STK3: variants seen among roughly 807,000 people sequenced by gnomAD.
STK3 encodes the protein serine/threonine-protein kinase 3.
A neutral mutation model predicts 58.0 loss-of-function variants in STK3; 41 were observed. That is an observed-to-expected ratio of 0.71 (90% CI 0.55 to 0.92). The LOEUF (loss-of-function observed/expected upper bound fraction) is 0.92. Ranked by LOEUF, STK3 falls within the 40% of genes least tolerant of loss-of-function variation. The probability of loss-of-function intolerance (pLI) is 0.00; values close to 1 mark genes in which losing one functional copy is unlikely to be tolerated. For synonymous variants in STK3, 170 were observed against 191.0 expected, an observed-to-expected ratio of 0.89 and a Z score of 0.91; for missense variants, 479 against 602.7, an observed-to-expected ratio of 0.79 and a Z score of 2.15.
At chr8:98,464,540 T>TAAAA in intron 10 of STK3, among the ~76,000 whole-genome samples, 889 of 68,850 alleles carry the variant, frequency 0.013, no homozygotes, top group Middle Eastern at 0.043. Context: ...TACTTAAAGT[T>TAAAA]AAAAAAAAAA....
intron 1 of STK3, among the ~76,000 whole-genome samples, chr8:98,904,152 A>G (rs1057009895): frequency 2.6e-5 from 4 of 152,224 alleles, no homozygotes; most frequent in African/African-American, 9.6e-5. Flanking sequence ...GGTCCTAGCA[A>G]TTTCAGAAGA....
chr8:98,776,364 T>C (rs189811215), intron 1 of STK3, among the ~76,000 whole-genome samples: 185 of 151,948 alleles, frequency 1.2e-3, no homozygotes, highest in Non-Finnish European at 2.1e-3. Context: ...GACTGGATGA[T>C]GGCTACAAGA....
At chr8:98,562,363 A>C (rs995654134) in intron 8 of STK3, among the ~76,000 whole-genome samples, 2 of 152,154 alleles carry the variant, frequency 1.3e-5, no homozygotes, top group African/African-American at 2.4e-5. Flanking sequence ...CCACAAAAAA[A>C]ACCATGGATG....
At chr8:98,448,588 G>A (rs1211031091) in intron 1 of STK3, among the ~76,000 whole-genome samples, 1 of 152,090 alleles carries the variant, frequency 6.6e-6, no homozygotes, top group African/African-American at 2.4e-5. Context: ...TTTAGTATCA[G>A]GTTTTATTTA....
At chr8:98,648,651 G>C (rs1341382467) in intron 6 of STK3, among the ~76,000 whole-genome samples, 1 of 152,062 alleles carries the variant, frequency 6.6e-6, no homozygotes, top group South Asian at 2.1e-4. Flanking sequence ...CCTGTACTTC[G>C]GGAAGCCAAG....
chr8:98,901,522 C>G (rs1361844807), intron 1 of STK3, among the ~76,000 whole-genome samples: 2 of 152,226 alleles, frequency 1.3e-5, no homozygotes, highest in East Asian at 3.9e-4. Context: ...GACTGCACAC[C>G]ACACCTGCCT....
intron 1 of STK3, among the ~76,000 whole-genome samples, chr8:98,446,616 T>C (rs1051787425): frequency 6.6e-6 from 1 of 152,206 alleles, no homozygotes; most frequent in Non-Finnish European, 1.5e-5. Context: ...TAACAGATGC[T>C]GGTGAGGTTG....
At chr8:98,622,388 T>C (rs1818401186) in intron 6 of STK3, among the ~76,000 whole-genome samples, 1 of 152,180 alleles carries the variant, frequency 6.6e-6, no homozygotes, top group African/African-American at 2.4e-5. Context: ...TAAGGATGTA[T>C]ATTACATTGC....
intron 1 of STK3, among the ~76,000 whole-genome samples, chr8:98,779,068 C>A (rs1376369394): frequency 1.3e-5 from 2 of 151,300 alleles, no homozygotes; most frequent in African/African-American, 2.4e-5. Flanking sequence ...AAAAAGCCAT[C>A]CAGCAGAATG....
At chr8:98,841,002 A>G (rs1369144477) in intron 3 of STK3, among the ~76,000 whole-genome samples, 5 of 152,316 alleles carry the variant, frequency 3.3e-5, no homozygotes, top group African/African-American at 1.2e-4. Context: ...CCTTACTACC[A>G]GTTGGCCTTT....
intron 10 of STK3, among the ~76,000 whole-genome samples, chr8:98,490,466 CTT>C (rs1822599988): frequency 6.6e-6 from 1 of 152,142 alleles, no homozygotes; most frequent in Non-Finnish European, 1.5e-5. Context: ...CCACCCCTGA[CTT>C]TACTTCTTAG....
At chr8:98,618,087 C>G (rs924071149) in intron 6 of STK3, among the ~76,000 whole-genome samples, 4 of 151,634 alleles carry the variant, frequency 2.6e-5, no homozygotes, top group Admixed American at 6.6e-5. Flanking sequence ...AAACCGAATC[C>G]AGCAGCACAT....
chr8:98,501,330 A>C (rs186693417), intron 10 of STK3, among the ~76,000 whole-genome samples: 3 of 152,190 alleles, frequency 2.0e-5, no homozygotes, highest in Non-Finnish European at 2.9e-5. Context: ...GTAGATTGTA[A>C]AAATTTTCTT....
intron 6 of STK3, among the ~76,000 whole-genome samples, chr8:98,627,479 A>C (rs1448386037): frequency 6.8e-6 from 1 of 147,914 alleles, no homozygotes; most frequent in Non-Finnish European, 1.5e-5. Context: ...GTGCCACTGC[A>C]CTAAAAAAAG....
intron 9 of STK3, among the ~76,000 whole-genome samples, chr8:98,535,959 A>G (rs1268606994): frequency 1.3e-5 from 2 of 152,154 alleles, no homozygotes; most frequent in Non-Finnish European, 2.9e-5. Context: ...GTCAGAGAAG[A>G]AACAGTTTGA....
Position 98,883,978 on chromosome 8 carries a change from T to C in STK3, c.-78-144A>G, listed in dbSNP as rs1396707931. 6.8e-5 allele frequency: 32 copies of C among 473,070 alleles called. No individual in the cohort carries two copies. In the East Asian group the frequency reaches 9.4e-4, roughly 14 times the overall value. The allele number at this position is 473,070 out of a possible 1,614,324, so 29.3% of individuals were successfully genotyped here. ...AAGGAAGCAATTAAGGGAGTCATCC[T>C]GAGAAGAGCAGGAGTTCTCCCAAGG... On this transcript the variant is annotated intron_variant, in intron 1 of 1. Coordinates refer to the STK3 transcript ENST00000519420.
At chr8:98,516,412 A>C (rs969163472) in intron 10 of STK3, among the ~76,000 whole-genome samples, 1 of 152,204 alleles carries the variant, frequency 6.6e-6, no homozygotes, top group East Asian at 1.9e-4. Context: ...TAGACACCCA[A>C]GGGTTACAGA....
At chr8:98,903,394 G>C (rs1838733265) in intron 1 of STK3, among the ~76,000 whole-genome samples, 1 of 152,018 alleles carries the variant, frequency 6.6e-6, no homozygotes, top group African/African-American at 2.4e-5. Flanking sequence ...TCCCAGAAGA[G>C]AATGCTCTTT....
At chr8:98,589,747 G>A (rs1005983299) in intron 7 of STK3, among the ~76,000 whole-genome samples, 1 of 152,198 alleles carries the variant, frequency 6.6e-6, no homozygotes, top group African/African-American at 2.4e-5. Flanking sequence ...AGCAATCAGC[G>A]AGACTCCGTG....
Sources: allele counts gnomAD v4.1 joint callset (sites outside exome capture counted in the v4.1 genomes callset), GRCh38; gene constraint gnomAD v4.1.1; transcripts MANE v1.5; gene names NCBI Gene and HGNC (gene_info 2026-07-23, HGNC 2026-07-21).